SPIN3: variants seen among roughly 807,000 people sequenced by gnomAD.
The protein encoded by SPIN3 is spindlin-3.
For synonymous variants in SPIN3, 74 were observed against 74.3 expected (o/e 1.00, Z 0.02); for missense variants, 176 against 196.4 (o/e 0.90, Z 0.62).
downstream of SPIN3, among the ~76,000 whole-genome samples, chrX:56,988,379 G>A (rs976824176): frequency 9.0e-6 from 1 of 110,771 alleles, no homozygotes; most frequent in African/African-American, 3.3e-5. Context: ...TGAGAACAAG[G>A]GCAAGCAGAT....
downstream of SPIN3, among the ~76,000 whole-genome samples, chrX:56,989,246 C>A (rs1280583665): frequency 1.8e-5 from 2 of 111,286 alleles, no homozygotes; most frequent in Non-Finnish European, 3.8e-5. Flanking sequence ...AACTAGGGAT[C>A]TTGAACTTAA....
chrX:56,994,629 G>A lies in SPIN3; in HGVS notation c.319C>T (p.Leu107Phe). 1 of 1,211,607 alleles carries A rather than the reference G, an allele frequency of 8.3e-7. No homozygotes were observed. The highest frequency in any genetic ancestry group is 1.1e-6 in the Non-Finnish European group (1 of 895,400). The change falls in exon 2 of 2, where the codon CTT (leucine) becomes TTT (phenylalanine). Residue 107 changes from leucine to phenylalanine, a missense_variant. By Grantham distance (22) the Leu-to-Phe change is conservative (BLOSUM62 0). Coordinates refer to ENST00000374919, the MANE Select transcript of SPIN3 (RefSeq NM_001010862.3). The stretch of plus-strand genomic sequence containing the variant: ...GCAACTCTATTAGGAAGGACTTCAA[G>A]TGATGACACTCTTTCATCTCTGTGA... ...ELHRDERVSS[L>F]EVLPNRVASS...
In SPIN3 at chrX:56,995,326, G is replaced by A. The variant is rs1924471073; in HGVS notation, c.-113C>T. 6.1e-6 allele frequency: 1 copy of A among 164,553 alleles called. No homozygotes were observed. The highest frequency in any genetic ancestry group is 1.1e-5 in the Non-Finnish European group (1 of 86,975). The allele number at this position is 164,553 out of a possible 1,213,427, so 13.6% of individuals were successfully genotyped here. ...GAGCCTATGGAGGAGGAAAATCAGC[G>A]GGCGAGCAGCCCGGTGCTTGCAAAA... On this transcript the variant is annotated 5_prime_UTR_variant, in exon 1 of 2. Coordinates refer to ENST00000374919, the MANE Select transcript of SPIN3 (RefSeq NM_001010862.3).
chrX:56,984,752 C>T (rs1037354328), intron 2 of SPIN3, among the ~76,000 whole-genome samples: 5 of 111,074 alleles, frequency 4.5e-5, no homozygotes, highest in African/African-American at 1.6e-4. Context: ...CTCATACAGT[C>T]CCATGGTTTT....
intron 1 of SPIN3, 113 bp downstream of exon 1, chrX:56,995,103 C>A (rs906074050): frequency 1.6e-6 from 1 of 617,036 alleles, no homozygotes; most frequent in Admixed American, 4.1e-5. Flanking sequence ...AATCAAGGCA[C>A]CCTGGCTGAG....
intron 1 of SPIN3, 33 bp from the exon 2 acceptor site, chrX:56,994,982 G>C (rs1169253905): frequency 8.8e-7 from 1 of 1,130,637 alleles, no homozygotes; most frequent in East Asian, 3.1e-5. Flanking sequence ...CAGGTGGACC[G>C]AGAAAGGAAA....
chrX:56,987,773 A>G (rs1924251404), downstream of SPIN3, among the ~76,000 whole-genome samples: 1 of 112,183 alleles, frequency 8.9e-6, no homozygotes, highest in Non-Finnish European at 1.9e-5. Flanking sequence ...TAAAAGAGCT[A>G]TGTACATCTA....
At position 56,994,941 on chromosome X, in the gene SPIN3, T is replaced by A; in HGVS notation, c.7A>T (p.Thr3Ser). The A allele has an allele frequency of 1.7e-6, 2 of 1,184,223 alleles. No homozygotes were observed. MK[T>S]PFGKAAAGQR... ...CCTGCAGCTGCCTTTCCAAACGGGG[T>A]CTTCATGCCTGCGAAGAGGAGCACA... Residue 3 changes from threonine (T) to serine (S), a missense_variant, in exon 2 of 2, where the codon ACC (threonine) becomes TCC (serine). By Grantham distance (58) the Thr-to-Ser change is moderately conservative (BLOSUM62 1). Coordinates refer to ENST00000374919, the MANE Select transcript of SPIN3 (RefSeq NM_001010862.3).
In SPIN3 at chrX:56,994,612, A is replaced by G; in HGVS notation, c.336T>C (p.Asn112=). Reference sequence around the variant, plus strand: ...CACTGATTCTAGATGATGCAACTCTATTAGGAAGGACTTCAAGTGATGACA... The same window carrying G: ...CACTGATTCTAGATGATGCAACTCTGTTAGGAAGGACTTCAAGTGATGACA... ...ERVSSLEVLP[N]RVASSRISDT... Residue 112 remains asparagine (N), a synonymous_variant, in exon 2 of 2, where the codon AAT becomes AAC. Transcript: ENST00000374919. 2 of 1,211,731 alleles carry G rather than the reference A, an allele frequency of 1.7e-6. No homozygotes were observed. The highest frequency in any genetic ancestry group is 2.2e-6 in the Non-Finnish European group (2 of 895,486).
downstream of SPIN3, among the ~76,000 whole-genome samples, chrX:56,990,025 C>A (rs1352968707): frequency 9.7e-6 from 1 of 103,601 alleles, no homozygotes; most frequent in African/African-American, 3.5e-5. Flanking sequence ...GGTGCCAAAA[C>A]AATTGGGGAC....
chrX:56,982,350 G>C (rs759903920), intron 3 of SPIN3: 4 of 111,475 alleles, frequency 3.6e-5, no homozygotes, highest in Admixed American at 1.9e-4. Context: ...TGGGACCTGG[G>C]AGACCTGCCA....
At chrX:56,986,762 G>A (rs2146831669), downstream of SPIN3, among the ~76,000 whole-genome samples, 1 of 112,503 alleles carries the variant, frequency 8.9e-6, no homozygotes, top group East Asian at 2.8e-4. Flanking sequence ...TTGGGGTAGA[G>A]GAAGAAATCT....
chrX:56,980,803 C>T (rs756922275), intron 3 of SPIN3, among the ~76,000 whole-genome samples: 2 of 110,822 alleles, frequency 1.8e-5, no homozygotes, highest in African/African-American at 3.3e-5. Flanking sequence ...TTTTTCTGTC[C>T]TTACCACCAG....
chrX:56,989,956 C>T (rs962684895), downstream of SPIN3, among the ~76,000 whole-genome samples: 5 of 107,487 alleles, frequency 4.7e-5, no homozygotes, highest in Admixed American at 2.0e-4. Context: ...CCCCAAACCA[C>T]CCCCCTCCCC....
At chrX:56,985,369 A>T (rs1047955552) in intron 2 of SPIN3, among the ~76,000 whole-genome samples, 3 of 112,378 alleles carry the variant, frequency 2.7e-5, no homozygotes, top group Non-Finnish European at 5.6e-5. Context: ...AGATTGCCTC[A>T]GCTGCTGAAA....
rs1193769230 is a variant in SPIN3, at chrX:56,993,991, T to C, written c.*180A>G. On this transcript the variant is annotated 3_prime_UTR_variant, in exon 2 of 2. Transcript: ENST00000374919. ...TTGCGGAGAGGAACCAGTGAAAAGG[T>C]TGGACAGATGGGCAAAAGGTTTCTT... is the stretch of plus-strand genomic sequence containing the variant. The C allele has an allele frequency of 5.4e-5, 23 of 428,077 alleles. No individual in the cohort carries two copies. The Admixed American group carries it at 1.0e-3, about 19-fold the overall frequency. 35.3% of individuals were successfully genotyped at this position (428,077 alleles called of 1,213,427 possible).
intron 3 of SPIN3, chrX:56,979,477 C>G (rs1924071662): frequency 8.9e-6 from 1 of 112,247 alleles, no homozygotes; most frequent in Non-Finnish European, 1.9e-5. Context: ...AAGAACCAAA[C>G]AGCAAACAAA....
chrX:56,978,319 C>T (rs774193013), exon 5 of SPIN3: 9 of 111,940 alleles, frequency 8.0e-5, no homozygotes, highest in Non-Finnish European at 1.1e-4. Flanking sequence ...AAAAAGTACT[C>T]CTTTCAGTAT....
chrX:56,987,892 G>A (rs746642448), downstream of SPIN3, among the ~76,000 whole-genome samples: 1 of 111,838 alleles, frequency 8.9e-6, no homozygotes, highest in East Asian at 2.8e-4. Flanking sequence ...TTAACCAAAA[G>A]GACATGCGGT....
Sources: gnomAD v4.1 joint callset for allele counts (sites outside exome capture counted in the v4.1 genomes callset) on GRCh38, gnomAD v4.1.1 for gene constraint, MANE v1.5 for transcripts, NCBI Gene and HGNC (gene_info 2026-07-23, HGNC 2026-07-21) for gene names.